The following CDC42 variants were observed in gnomAD, a reference collection of about 807,000 sequenced individuals.
CDC42 encodes the protein cell division cycle 42, also known as cell division control protein 42 homolog.
CDC42 carries 1 observed loss-of-function variant against 20.8 expected under a neutral mutation model. That is an observed-to-expected ratio of 0.05 (90% CI 0.02 to 0.23). The LOEUF is 0.23. Among genes scored for constraint, CDC42 ranks in the 10% least tolerant of loss-of-function variants. CDC42 has a pLI of 1.00. For synonymous variants in CDC42, 72 were observed against 84.8 expected (o/e 0.85, Z 0.83); for missense variants, 49 against 227.9 (o/e 0.21, Z 5.05).
At chr1:22,067,153 A>G (rs137909559) in intron 1 of CDC42, among the ~76,000 whole-genome samples, 3 of 152,282 alleles carry the variant, frequency 2.0e-5, no homozygotes, top group South Asian at 2.1e-4. Context: ...GGGCCTTGCC[A>G]TGGGTTCTGT....
intron 1 of CDC42, among the ~76,000 whole-genome samples, chr1:22,073,471 G>A (rs542519810): frequency 3.3e-5 from 5 of 151,810 alleles, no homozygotes; most frequent in South Asian, 2.1e-4. Flanking sequence ...CCCTGGAGGC[G>A]GAGGTTGCAG....
intron 1 of CDC42, among the ~76,000 whole-genome samples, chr1:22,069,342 A>G (rs972675325): frequency 6.6e-6 from 1 of 151,296 alleles, no homozygotes; most frequent in African/African-American, 2.4e-5. Flanking sequence ...CACCTGGCAA[A>G]TTTTTGTATT....
At chr1:22,073,323 G>T (rs1420428168) in intron 1 of CDC42, among the ~76,000 whole-genome samples, 5 of 151,844 alleles carry the variant, frequency 3.3e-5, no homozygotes, top group Non-Finnish European at 7.4e-5. Flanking sequence ...GATCACCTGA[G>T]GTCAGGATTT....
rs56218067 is a variant in CDC42, at chr1:22,069,613, CTTTTTTTTTT to C, written c.-50-8799_-50-8790del. 3.7e-4 allele frequency among the ~76,000 whole-genome samples: 41 copies of C among 109,752 alleles called. 2 individuals are homozygous for C. The highest frequency in any genetic ancestry group is 7.3e-5 in the Non-Finnish European group (4 of 54,894). 72.0% of individuals were successfully genotyped at this position (109,752 alleles called of 152,430 possible). On this transcript the variant is annotated intron_variant, in intron 1 of 5. Transcript: ENST00000656825. ...TTGGGACTACAGGCACATGCCACCA[CTTTTTTTTTT>C]TTTTTTTTTTTTTTTTAATTTTTTG...
intron 5 of CDC42, among the ~76,000 whole-genome samples, chr1:22,089,683 C>G (rs1165696215): frequency 6.6e-6 from 1 of 152,146 alleles, no homozygotes. Context: ...GATTTATTTC[C>G]AAAATGTGTT....
chr1:22,064,968 G>A (rs574876440), intron 1 of CDC42, among the ~76,000 whole-genome samples: 48 of 152,270 alleles, frequency 3.2e-4, no homozygotes, highest in Admixed American at 6.5e-4. Context: ...GATTACAGGC[G>A]TGAGCCACCG....
intron 3 of CDC42, among the ~76,000 whole-genome samples, chr1:22,082,016 A>G (rs372237865): frequency 1.3e-5 from 2 of 150,628 alleles, no homozygotes; most frequent in Admixed American, 6.6e-5. Flanking sequence ...AGTGTAGTAG[A>G]TGAAGTAGAG....
chr1:22,072,095 T>C (rs1645498841), intron 1 of CDC42, among the ~76,000 whole-genome samples: 1 of 101,320 alleles, frequency 9.9e-6, no homozygotes, highest in Non-Finnish European at 2.4e-5. Flanking sequence ...ACTTACCTTT[T>C]TTTTTTTTTT....
At chr1:22,053,571 G>C (rs1360051285) in intron 1 of CDC42, 1 of 152,164 alleles carries the variant, frequency 6.6e-6, no homozygotes, top group Non-Finnish European at 1.5e-5. Context: ...TATCGGGGGG[G>C]AATTTTCTTT....
chr1:22,086,618 ATTAGAGGC>A lies in CDC42; in HGVS notation c.289-48_289-41del, dbSNP rs372970564. The A allele has an allele frequency of 1.9e-5, 31 of 1,595,348 alleles. 1 individual carries two copies. In the East Asian group the frequency reaches 6.9e-4, roughly 36 times the overall value. On this transcript the variant is annotated intron_variant, in intron 4 of 5. Transcript: ENST00000656825. Reference sequence around the variant, plus strand: ...TTTCTACTGACCTGTTATAAATAGCATTAGAGGCTTGTTGATTAACAAAGGTGTATTTT... The same window carrying A: ...TTTCTACTGACCTGTTATAAATAGCATTGTTGATTAACAAAGGTGTATTTT...
At position 22,065,852 on chromosome 1, in the gene CDC42, G is replaced by A. The variant is rs528621785; in HGVS notation, c.-50-12577G>A. Among the ~76,000 whole-genome samples, 8 of 152,110 alleles carry A rather than the reference G, an allele frequency of 5.3e-5. No individual in the cohort carries two copies. In the South Asian group the frequency reaches 1.2e-3, roughly 24 times the overall value. On this transcript the variant is annotated intron_variant, in intron 1 of 5. Coordinates refer to ENST00000656825, the MANE Select transcript of CDC42 (RefSeq NM_001791.4). ...TCTCAGCTCACTGCAACCTCCTCCCGGGTTCAAGCGATTCTCAAGCCTCAG... is the reference window on the plus strand; with the variant it reads ...TCTCAGCTCACTGCAACCTCCTCCCAGGTTCAAGCGATTCTCAAGCCTCAG...
intron 1 of CDC42, among the ~76,000 whole-genome samples, chr1:22,056,495 G>A (rs998519613): frequency 6.6e-5 from 10 of 151,962 alleles, no homozygotes; most frequent in African/African-American, 9.7e-5. Context: ...AACTTTTACC[G>A]CTTGTTCACT....
intron 1 of CDC42, chr1:22,063,851 G>C (rs1404505443): frequency 6.6e-6 from 1 of 152,068 alleles, no homozygotes; most frequent in Non-Finnish European, 1.5e-5. Context: ...CTCCCGAGTA[G>C]CTGGGATTAC....
intron 1 of CDC42, among the ~76,000 whole-genome samples, chr1:22,075,562 G>A (rs968211090): frequency 2.6e-5 from 4 of 152,202 alleles, no homozygotes; most frequent in Non-Finnish European, 5.9e-5. Flanking sequence ...TTTCTAAGAA[G>A]TTTGGAATTG....
intron 3 of CDC42, among the ~76,000 whole-genome samples, chr1:22,082,690 C>A (rs1215327563): frequency 6.6e-6 from 1 of 151,920 alleles, no homozygotes; most frequent in Non-Finnish European, 1.5e-5. Context: ...CCACGAGGAA[C>A]TATTTGGATT....
intron 5 of CDC42, among the ~76,000 whole-genome samples, chr1:22,087,581 C>T (rs1235074652): frequency 6.6e-6 from 1 of 152,096 alleles, no homozygotes; most frequent in African/African-American, 2.4e-5. Flanking sequence ...TGATTCCGTC[C>T]TTTGAGTACT....
intron 1 of CDC42, among the ~76,000 whole-genome samples, chr1:22,068,991 C>T (rs1190198269): frequency 6.6e-6 from 1 of 152,112 alleles, no homozygotes; most frequent in East Asian, 1.9e-4. Context: ...GGAATTGTTG[C>T]TCCAAGAGGG....
rs529393607 is a variant in CDC42, at chr1:22,083,179, C to T, written c.178+1385C>T. ...TACAGGTGTGAACCACTGCGCCTGG[C>T]GAGAAAAGATAATTTATGGCTACTT... On this transcript the variant is annotated intron_variant, in intron 3 of 5. Coordinates refer to ENST00000656825, the MANE Select transcript of CDC42 (RefSeq NM_001791.4). Among the ~76,000 whole-genome samples the T allele has an allele frequency of 2.6e-5, 4 of 151,866 alleles. No individual in the cohort carries two copies. The East Asian group carries it at 5.8e-4, about 22-fold the overall frequency.
At chr1:22,054,114 A>G (rs1000164447) in intron 1 of CDC42, among the ~76,000 whole-genome samples, 3 of 152,122 alleles carry the variant, frequency 2.0e-5, no homozygotes, top group African/African-American at 7.3e-5. Flanking sequence ...GATCTATGCT[A>G]GACATTTTAG....
Sources: gnomAD v4.1 joint callset for allele counts (sites outside exome capture counted in the v4.1 genomes callset) on GRCh38, gnomAD v4.1.1 for gene constraint, MANE v1.5 for transcripts, NCBI Gene and HGNC (gene_info 2026-07-23, HGNC 2026-07-21) for gene names.